The following CTNND1 variants were observed in gnomAD, a reference collection of about 807,000 sequenced individuals.
CTNND1 encodes catenin delta-1.
Under a neutral mutation model 112.1 loss-of-function variants are expected in CTNND1, and 16 were observed. That is an observed-to-expected ratio of 0.14 (90% CI 0.10 to 0.22). The LOEUF is 0.22. CTNND1 is among the 10% of genes least tolerant of loss of function. The pLI is 1.00. For missense variants in CTNND1, 1,008 were observed against 1,257.0 expected, an observed-to-expected ratio of 0.80 and a Z score of 3.00; for synonymous variants, 420 against 446.5, an observed-to-expected ratio of 0.94 and a Z score of 0.75.
At chr11:57,765,900 GT>G (rs1950941429) in intron 1 of CTNND1, among the ~76,000 whole-genome samples, 1 of 152,158 alleles carries the variant, frequency 6.6e-6, no homozygotes, top group Non-Finnish European at 1.5e-5. Flanking sequence ...GCCTGGTGCG[GT>G]GGCTCACGCC....
At chr11:57,762,593 T>C (rs955759892) in intron 1 of CTNND1, among the ~76,000 whole-genome samples, 1 of 152,168 alleles carries the variant, frequency 6.6e-6, no homozygotes, top group African/African-American at 2.4e-5. Flanking sequence ...GTATTGTTTT[T>C]CCCCCAGAGA....
intron 8 of CTNND1, among the ~76,000 whole-genome samples, chr11:57,804,456 C>G (rs774877820): frequency 6.6e-6 from 1 of 152,160 alleles, no homozygotes; most frequent in African/African-American, 2.4e-5. Flanking sequence ...TGGTACATAT[C>G]ATTAATCCCT....
Position 57,808,408 on chromosome 11 carries a change from T to C in CTNND1, c.2110T>C (p.Ser704Pro). ...ATTCTAGTATGGTCGATACATCCGC[T>C]CTGCTCTGCGTCAAGAGAAGGCTCT... is the stretch of plus-strand genomic sequence containing the variant. ...GRWTYGRYIR[S>P]ALRQEKALSA... Residue 704 changes from serine (S) to proline (P), a missense_variant, in exon 14 of 21, where the codon TCT (serine) becomes CCT (proline). Physicochemically the swap from Ser to Pro is moderately conservative, Grantham distance 74. This residue lies in a region of CTNND1 where 254 missense variants were observed against 279.5 expected (regional missense o/e 0.91). Coordinates refer to ENST00000399050, the MANE Select transcript of CTNND1 (RefSeq NM_001085458.2). The C allele has an allele frequency of 6.2e-7, 1 of 1,611,486 alleles. No homozygotes were observed.
chr11:57,806,251 G>C (rs1391905760), intron 10 of CTNND1, among the ~76,000 whole-genome samples: 1 of 151,906 alleles, frequency 6.6e-6, no homozygotes, highest in Non-Finnish European at 1.5e-5. Context: ...GGTGGTGGTG[G>C]TGGTGGTATC....
At chr11:57,790,721 C>G (rs12276535) in intron 2 of CTNND1, among the ~76,000 whole-genome samples, 1 of 138,440 alleles carries the variant, frequency 7.2e-6, no homozygotes, top group African/African-American at 2.5e-5. Context: ...CCACGCCCGG[C>G]CTTTTTTTGT....
At chr11:57,786,735 A>G (rs1002257363) in intron 1 of CTNND1, among the ~76,000 whole-genome samples, 1 of 152,110 alleles carries the variant, frequency 6.6e-6, no homozygotes, top group Non-Finnish European at 1.5e-5. Context: ...TAACAGCTTC[A>G]TTCTTTCCCC....
At chr11:57,772,015 A>G (rs1320534169) in intron 1 of CTNND1, among the ~76,000 whole-genome samples, 1 of 150,520 alleles carries the variant, frequency 6.6e-6, no homozygotes. Flanking sequence ...TCCGCCTCCC[A>G]CGCTCAAGCC....
intron 17 of CTNND1, 119 bp from the exon 18 acceptor site, chr11:57,814,192 T>C: frequency 1.4e-6 from 1 of 701,354 alleles, no homozygotes; most frequent in Admixed American, 2.2e-5. Flanking sequence ...ATGCACATAG[T>C]TGGTGCTAAG....
Position 57,803,670 on chromosome 11 carries a change from G to A in CTNND1, c.1470G>A (p.Val490=), listed in dbSNP as rs1314729678. 6.2e-7 allele frequency: 1 copy of A among 1,613,288 alleles called. No individual in the cohort carries two copies. The highest frequency in any genetic ancestry group is 8.5e-7 in the Non-Finnish European group (1 of 1,179,652). ...SSHDSIKMEI[V]DHALHALTDE... is the part of the protein sequence containing the mutation. Reference sequence around the variant, plus strand: ...ATGACTCAATCAAAATGGAGATTGTGGACCATGCACTGCATGCCTTGACAG... The same window carrying A: ...ATGACTCAATCAAAATGGAGATTGTAGACCATGCACTGCATGCCTTGACAG... Residue 490 remains valine, a synonymous_variant, in exon 8 of 21, where the codon GTG becomes GTA. Coordinates refer to ENST00000399050, the MANE Select transcript of CTNND1 (RefSeq NM_001085458.2).
At chr11:57,804,855 C>T (rs1350645164) in intron 9 of CTNND1, 75 bp downstream of exon 9, 8 of 1,044,254 alleles carry the variant, frequency 7.7e-6, no homozygotes, top group Non-Finnish European at 1.2e-5. Context: ...AGGTCAGAGA[C>T]CTATCATCTC....
chr11:57,816,158 G>A (rs1232467771), intron 20 of CTNND1, 139 bp from the exon 21 acceptor site: 9 of 1,207,930 alleles, frequency 7.5e-6, no homozygotes, highest in East Asian at 4.7e-5. Context: ...TACCTCTTAC[G>A]AGTCTGGGAC....
chr11:57,793,673 A>T (rs2061016747), intron 3 of CTNND1, among the ~76,000 whole-genome samples: 2 of 152,210 alleles, frequency 1.3e-5, no homozygotes, highest in Admixed American at 1.3e-4. Context: ...TGTGCTGTTT[A>T]TTCAGCAAAT....
At chr11:57,797,194 AAT>A (rs986330052) in intron 6 of CTNND1, among the ~76,000 whole-genome samples, 14 of 147,764 alleles carry the variant, frequency 9.5e-5, no homozygotes, top group African/African-American at 3.4e-4. Context: ...ATATAATATA[AAT>A]ATATATATAA....
At chr11:57,773,363 G>C (rs1953231325) in intron 1 of CTNND1, among the ~76,000 whole-genome samples, 1 of 151,774 alleles carries the variant, frequency 6.6e-6, no homozygotes, top group Non-Finnish European at 1.5e-5. Flanking sequence ...GAACTCCTGG[G>C]CTCAAGTGAT....
chr11:57,814,323 A>C lies in CTNND1; in HGVS notation c.2651A>C (p.Asp884Ala). ...DRNQKSDKKP[D>A]REEIQMSNMG... ...TGACTTCATACAGATAAGAAACCTGATCGGGAAGAAATTCAGATGAGCAAT... is the reference window on the plus strand; with the variant it reads ...TGACTTCATACAGATAAGAAACCTGCTCGGGAAGAAATTCAGATGAGCAAT... Residue 884 changes from aspartate (D) to alanine (A), a missense_variant, in exon 18 of 21, where the codon GAT (aspartate) becomes GCT (alanine). Transcript: ENST00000399050. The C allele has an allele frequency of 6.2e-7, 1 of 1,611,828 alleles. No individual in the cohort carries two copies. Among genetic ancestry groups the C allele is most frequent in the Non-Finnish European group, 8.5e-7 (1 of 1,178,830 alleles).
At chr11:57,807,622 A>AG (rs1235698958) in intron 12 of CTNND1, among the ~76,000 whole-genome samples, 2 of 151,242 alleles carry the variant, frequency 1.3e-5, no homozygotes, top group African/African-American at 4.8e-5. Flanking sequence ...AAAAAAAAAA[A>AG]AAAAAAAAAG....
rs143706233 is a variant in CTNND1, at chr11:57,796,247, G to T, written c.421-210G>T. Among the ~76,000 whole-genome samples, 1,162 of 152,078 alleles carry T rather than the reference G, an allele frequency of 7.6e-3. 24 individuals carry two copies. Among genetic ancestry groups the T allele is most frequent in the African/African-American group, 0.027 (1,103 of 41,452 alleles). On this transcript the variant is annotated intron_variant, in intron 5 of 20. Coordinates refer to ENST00000399050, the MANE Select transcript of CTNND1 (RefSeq NM_001085458.2). ...TAAAAATACAAAAAATTAGCCAGGTGTGGTGGTGTGTGCCTGTAATACCAG... is the reference window on the plus strand; with the variant it reads ...TAAAAATACAAAAAATTAGCCAGGTTTGGTGGTGTGTGCCTGTAATACCAG...
At chr11:57,781,413 T>C (rs1342954358) in intron 1 of CTNND1, among the ~76,000 whole-genome samples, 2 of 152,170 alleles carry the variant, frequency 1.3e-5, no homozygotes, top group Non-Finnish European at 2.9e-5. Context: ...ACCTAATCAA[T>C]ACCTTTGCAT....
At chr11:57,812,741 C>G (rs887200031) in intron 17 of CTNND1, among the ~76,000 whole-genome samples, 12 of 151,962 alleles carry the variant, frequency 7.9e-5, no homozygotes, top group African/African-American at 2.9e-4. Context: ...GTCTTGAACT[C>G]CTGGGGTCAA....
Sources: gnomAD v4.1 joint callset for allele counts (sites outside exome capture counted in the v4.1 genomes callset) on GRCh38, gnomAD v4.1.1 for gene constraint, gnomAD v4.1.1 regional missense constraint, MANE v1.5 for transcripts, NCBI Gene and HGNC (gene_info 2026-07-23, HGNC 2026-07-21) for gene names.